IMMP2L: variants seen among roughly 807,000 people sequenced by gnomAD.
The protein encoded by IMMP2L is mitochondrial inner membrane protease subunit 2.
In IMMP2L, 18 loss-of-function variants were observed where a neutral mutation model predicts 19.3. The observed-to-expected ratio is 0.93, with a 90% CI of 0.64 to 1.38. The LOEUF is 1.38. IMMP2L is among the 40% of genes most tolerant of loss of function. The pLI is 0.00. For missense variants in IMMP2L, 233 were observed against 218.2 expected (o/e 1.07, Z -0.43); for synonymous variants, 76 against 73.0 (o/e 1.04, Z -0.21).
chr7:110,848,837 T>C (rs1805923554), intron 5 of IMMP2L, among the ~76,000 whole-genome samples: 1 of 152,108 alleles, frequency 6.6e-6, no homozygotes, highest in South Asian at 2.1e-4. Context: ...ATTTCAAATA[T>C]ATGACATTCT....
chr7:111,272,275 T>C (rs1223055150), intron 3 of IMMP2L, among the ~76,000 whole-genome samples: 1 of 152,140 alleles, frequency 6.6e-6, no homozygotes, highest in Admixed American at 6.6e-5. Context: ...CCTCAGGGCT[T>C]TTGCTCATGC....
chr7:111,143,813 A>AT (rs1803187504), intron 3 of IMMP2L, among the ~76,000 whole-genome samples: 1 of 152,170 alleles, frequency 6.6e-6, no homozygotes. Flanking sequence ...ATTTTAAATA[A>AT]TAACACTAGT....
Position 111,385,166 on chromosome 7 carries a change from G to A in IMMP2L, c.239+102072C>T, listed in dbSNP as rs541540495. On this transcript the variant is annotated intron_variant, in intron 3 of 5. Transcript: ENST00000405709. ...GGAAAATAAGGCAAGGTGGAGGTGG[G>A]GGGGCAAGGGTACAGTTTTGAATAA... 5.3e-5 allele frequency among the ~76,000 whole-genome samples: 8 copies of A among 152,210 alleles called. No homozygotes were observed. The East Asian group carries it at 1.5e-3, about 29-fold the overall frequency.
chr7:111,187,910 A>G (rs1259551343), intron 3 of IMMP2L, among the ~76,000 whole-genome samples: 2 of 152,164 alleles, frequency 1.3e-5, no homozygotes, highest in Non-Finnish European at 2.9e-5. Context: ...AAGTTAGAGT[A>G]AGATTTACAT....
intron 5 of IMMP2L, among the ~76,000 whole-genome samples, chr7:110,833,539 G>A (rs895813203): frequency 1.3e-5 from 2 of 152,000 alleles, no homozygotes; most frequent in African/African-American, 2.4e-5. Context: ...CATCTGGGGG[G>A]ATGGCTGATT....
intron 1 of IMMP2L, among the ~76,000 whole-genome samples, chr7:111,542,067 A>G (rs1053857789): frequency 6.6e-6 from 1 of 151,960 alleles, no homozygotes. Context: ...TATATTTTGG[A>G]TATTAACCTC....
intron 3 of IMMP2L, among the ~76,000 whole-genome samples, chr7:111,078,484 G>A (rs1404931799): frequency 6.6e-6 from 1 of 151,972 alleles, no homozygotes; most frequent in Non-Finnish European, 1.5e-5. Context: ...TCCAATATTT[G>A]GAGAATGGAG....
chr7:110,805,475 A>G (rs1346821802), intron 5 of IMMP2L, among the ~76,000 whole-genome samples: 2 of 152,116 alleles, frequency 1.3e-5, no homozygotes, highest in Non-Finnish European at 2.9e-5. Context: ...ATATATACTA[A>G]TACAGAATTG....
chr7:110,826,280 G>A (rs545837998), intron 5 of IMMP2L, among the ~76,000 whole-genome samples: 8 of 152,140 alleles, frequency 5.3e-5, no homozygotes, highest in Non-Finnish European at 8.8e-5. Context: ...TCAGTGTGGC[G>A]ATTCCTCGGG....
intron 3 of IMMP2L, among the ~76,000 whole-genome samples, chr7:110,998,360 C>T (rs1198456015): frequency 1.3e-5 from 2 of 152,084 alleles, no homozygotes; most frequent in African/African-American, 4.8e-5. Context: ...TCCAGAAAGG[C>T]TTGTGAGGAC....
intron 3 of IMMP2L, among the ~76,000 whole-genome samples, chr7:111,314,326 G>T (rs1823822966): frequency 6.6e-6 from 1 of 152,132 alleles, no homozygotes; most frequent in Non-Finnish European, 1.5e-5. Flanking sequence ...GTCCTGGAAA[G>T]TAGAATTGTA....
intron 3 of IMMP2L, among the ~76,000 whole-genome samples, chr7:111,398,352 T>C (rs1208530398): frequency 6.6e-6 from 1 of 152,118 alleles, no homozygotes; most frequent in African/African-American, 2.4e-5. Flanking sequence ...TGATACACCA[T>C]ATAAACAGAA....
At chr7:111,293,210 T>C (rs1275799252) in intron 3 of IMMP2L, among the ~76,000 whole-genome samples, 3 of 152,024 alleles carry the variant, frequency 2.0e-5, no homozygotes, top group African/African-American at 7.2e-5. Flanking sequence ...AAAAGACTGA[T>C]CAGGTATAAA....
Position 110,857,423 on chromosome 7 carries a change from A to G in IMMP2L, c.408+29170T>C, listed in dbSNP as rs141872474. Reference sequence around the variant, plus strand: ...GGCTGTCTTCAGATTGTATATTATTAAACTATTCTATCTGATTCCTAAGAA... The same window carrying G: ...GGCTGTCTTCAGATTGTATATTATTGAACTATTCTATCTGATTCCTAAGAA... On this transcript the variant is annotated intron_variant, in intron 5 of 5. Coordinates refer to ENST00000405709, the MANE Select transcript of IMMP2L (RefSeq NM_032549.4). Among the ~76,000 whole-genome samples, 680 of 152,222 alleles carry G rather than the reference A, an allele frequency of 4.5e-3. 5 individuals carry two copies. Among genetic ancestry groups the G allele is most frequent in the African/African-American group, 0.016 (658 of 41,580 alleles).
At chr7:111,283,740 G>A (rs1023803315) in intron 3 of IMMP2L, among the ~76,000 whole-genome samples, 61 of 151,926 alleles carry the variant, frequency 4.0e-4, no homozygotes, top group Non-Finnish European at 4.9e-4. Flanking sequence ...GGGAGGCCGA[G>A]GCGGGCGGAT....
At chr7:111,077,689 A>G (rs1795533350) in intron 3 of IMMP2L, among the ~76,000 whole-genome samples, 1 of 152,212 alleles carries the variant, frequency 6.6e-6, no homozygotes, top group Admixed American at 6.5e-5. Flanking sequence ...TAAGTGTACT[A>G]ATATCTCCAC....
At chr7:111,391,804 T>G in intron 3 of IMMP2L, 2 of 692,312 alleles carry the variant, frequency 2.9e-6, no homozygotes, top group Non-Finnish European at 5.3e-6. Flanking sequence ...GAAACCTGAA[T>G]AGAGGTCCTT....
intron 5 of IMMP2L, among the ~76,000 whole-genome samples, chr7:110,785,439 G>A (rs1800007171): frequency 6.6e-6 from 1 of 151,946 alleles, no homozygotes; most frequent in African/African-American, 2.4e-5. Context: ...GGATGGTAGA[G>A]TCCCAAGGAT....
intron 3 of IMMP2L, among the ~76,000 whole-genome samples, chr7:111,485,040 G>C (rs1394021483): frequency 6.6e-6 from 1 of 152,020 alleles, no homozygotes; most frequent in Non-Finnish European, 1.5e-5. Flanking sequence ...CACACACCTT[G>C]CCCTCCCAAA....
Sources: gnomAD v4.1 joint callset for allele counts (sites outside exome capture counted in the v4.1 genomes callset) on GRCh38, gnomAD v4.1.1 for gene constraint, MANE v1.5 for transcripts, NCBI Gene and HGNC (gene_info 2026-07-23, HGNC 2026-07-21) for gene names.